STX11: variants seen among roughly 807,000 people sequenced by gnomAD.
STX11 encodes the protein syntaxin-11.
STX11 carries 21 observed loss-of-function variants against 19.9 expected under a neutral mutation model. The observed-to-expected ratio is 1.06, with a 90% CI of 0.75 to 1.52. STX11 has a LOEUF of 1.52. Ranked by LOEUF, STX11 falls within the 40% of genes most tolerant of loss-of-function variation. STX11 has a pLI of 0.00. For synonymous variants in STX11, 193 were observed against 174.4 expected (o/e 1.11, Z -0.84); for missense variants, 438 against 405.9 (o/e 1.08, Z -0.68).
intron 1 of STX11, among the ~76,000 whole-genome samples, chr6:144,166,879 C>G (rs555116167): frequency 6.7e-6 from 1 of 149,354 alleles, no homozygotes; most frequent in Non-Finnish European, 1.5e-5. Context: ...CCTCTCCTTC[C>G]CTTCCCTTCC....
At chr6:144,156,772 C>T (rs920306371) in intron 1 of STX11, among the ~76,000 whole-genome samples, 1 of 152,214 alleles carries the variant, frequency 6.6e-6, no homozygotes, top group African/African-American at 2.4e-5. Flanking sequence ...CCACCTCCTC[C>T]TCCCCTCTTC....
chr6:144,142,366 T>C, the STX11 span, among the ~76,000 whole-genome samples: 2 of 152,150 alleles, frequency 1.3e-5, no homozygotes, highest in African/African-American at 4.8e-5. Flanking sequence ...ATGTGAGTAA[T>C]GATGACTTGT....
rs1337297833 is a variant in STX11, at chr6:144,183,963, A to G, written c.-5-2660A>G. On this transcript the variant is annotated intron_variant, in intron 1 of 1. Transcript: ENST00000367568. The surrounding 1 kb of genome is among the most constrained non-coding windows in gnomAD (Gnocchi z 4.6). ...TGTTCTCATTGTTCACCTCCCACTT[A>G]TAAGTGAGAACATGCAGTGTTTGGT... Among the ~76,000 whole-genome samples the G allele has an allele frequency of 1.3e-5, 2 of 151,992 alleles. No individual in the cohort carries two copies. Among genetic ancestry groups the G allele is most frequent in the Non-Finnish European group, 2.9e-5 (2 of 68,010 alleles).
rs896616688 is a variant in STX11 at position 144,169,023 on chromosome 6, G to A, written c.-5-17600G>A. 6.6e-6 allele frequency among the ~76,000 whole-genome samples: 1 copy of A among 152,236 alleles called. No individual in the cohort carries two copies. The highest frequency in any genetic ancestry group is 1.5e-5 in the Non-Finnish European group (1 of 68,042). ...AGTGAACACAAGCTCCTGGTACCAA[G>A]TGCTTATGAAACTAATCAGAAAAGA... On this transcript the variant is annotated intron_variant, in intron 1 of 1. Transcript: ENST00000367568. This position sits in a 1 kb window ranked among gnomAD's most constrained non-coding sequence, Gnocchi z 5.2.
intron 1 of STX11, among the ~76,000 whole-genome samples, chr6:144,158,321 C>T (rs556942424): frequency 2.0e-5 from 3 of 152,190 alleles, no homozygotes; most frequent in Non-Finnish European, 4.4e-5. Flanking sequence ...GACAGCACAG[C>T]CCAAATTCCT....
At position 144,169,687 on chromosome 6, in the gene STX11, T is replaced by TCCTTCCTC. The variant is rs1203893511; in HGVS notation, c.-5-16935_-5-16934insCTTCCTCC. ...TCCCTTCCTTCCTTCCTTCCTTCCTTCTTTCTTTCCTTCCTACCTATGAGG... is the reference window on the plus strand; with the variant it reads ...TCCCTTCCTTCCTTCCTTCCTTCCTTCCTTCCTCCTTTCTTTCCTTCCTACCTATGAGG... On this transcript the variant is annotated intron_variant, in intron 1 of 1. Coordinates refer to ENST00000367568, the MANE Select transcript of STX11 (RefSeq NM_003764.4). The surrounding 1 kb of genome is among the most constrained non-coding windows in gnomAD (Gnocchi z 5.2). 3.4e-5 allele frequency among the ~76,000 whole-genome samples: 5 copies of TCCTTCCTC among 147,862 alleles called. No homozygotes were observed. The highest frequency in any genetic ancestry group is 1.3e-4 in the Admixed American group (2 of 14,822).
chr6:144,166,715 G>A (rs1449920597), intron 1 of STX11, among the ~76,000 whole-genome samples: 1 of 151,666 alleles, frequency 6.6e-6, no homozygotes, highest in Non-Finnish European at 1.5e-5. Flanking sequence ...TAGTAGACCC[G>A]GGATTTCACC....
In STX11 at chr6:144,163,184, G is replaced by A. The variant is rs190485492; in HGVS notation, c.-6+12481G>A. ...AGATAGTCGATAATGGGGAAGTTGC[G>A]TAAGTCAGTTTTGGTTTCAACTGTG... On this transcript the variant is annotated intron_variant, in intron 1 of 1. Transcript: ENST00000367568. Among the ~76,000 whole-genome samples, 210 of 152,338 alleles carry A rather than the reference G, an allele frequency of 1.4e-3. 1 individual carries two copies. The highest frequency in any genetic ancestry group is 4.8e-3 in the African/African-American group (200 of 41,576).
chr6:144,147,260 C>T (rs1305657311), upstream of STX11, among the ~76,000 whole-genome samples: 1 of 152,098 alleles, frequency 6.6e-6, no homozygotes, highest in African/African-American at 2.4e-5. This position sits in a 1 kb window ranked among gnomAD's most constrained non-coding sequence, Gnocchi z 4.2. Flanking sequence ...TCACTCCAAA[C>T]AGGCTTTGGT....
In STX11 at chr6:144,174,224, C is replaced by T. The variant is rs563364037; in HGVS notation, c.-5-12399C>T. Among the ~76,000 whole-genome samples, 37 of 152,276 alleles carry T rather than the reference C, an allele frequency of 2.4e-4. No individual in the cohort carries two copies. Among genetic ancestry groups the T allele is most frequent in the Non-Finnish European group, 3.5e-4 (24 of 68,030 alleles). ...CCCTTTTGCACAAATGCTTTTCAAA[C>T]CTCTGCTTGCATCATATTTGCTAAT... On this transcript the variant is annotated intron_variant, in intron 1 of 1. Transcript: ENST00000367568. The surrounding 1 kb of genome is among the most constrained non-coding windows in gnomAD (Gnocchi z 5.3).
In STX11 at chr6:144,162,257, T is replaced by C. The variant is rs1478716881; in HGVS notation, c.-6+11554T>C. ...CCTTTTATTATGAGTTCTGAGTCTT[T>C]AGAAATTTATTTGATGGTGTAACTT... On this transcript the variant is annotated intron_variant, in intron 1 of 1. Transcript: ENST00000367568. The surrounding 1 kb of genome is among the most constrained non-coding windows in gnomAD (Gnocchi z 4.6). Among the ~76,000 whole-genome samples, 3 of 152,364 alleles carry C rather than the reference T, an allele frequency of 2.0e-5. No individual in the cohort carries two copies. The highest frequency in any genetic ancestry group is 1.5e-5 in the Non-Finnish European group (1 of 68,034).
Position 144,154,320 on chromosome 6 carries a change from C to T in STX11, c.-6+3617C>T, listed in dbSNP as rs952751863. ...ATGCATAAGATGGGCCTTCAGTGTCCCTACTGTGCTACATGACATCCCACC... is the reference window on the plus strand; with the variant it reads ...ATGCATAAGATGGGCCTTCAGTGTCTCTACTGTGCTACATGACATCCCACC... On this transcript the variant is annotated intron_variant, in intron 1 of 1. Transcript: ENST00000367568. The surrounding 1 kb of genome is among the most constrained non-coding windows in gnomAD (Gnocchi z 4.7). 6.6e-6 allele frequency among the ~76,000 whole-genome samples: 1 copy of T among 152,130 alleles called. No individual in the cohort carries two copies. Among genetic ancestry groups the T allele is most frequent in the Non-Finnish European group, 1.5e-5 (1 of 68,006 alleles).
In STX11 at chr6:144,172,533, G is replaced by A. The variant is rs57451512; in HGVS notation, c.-5-14090G>A. On this transcript the variant is annotated intron_variant, in intron 1 of 1. Transcript: ENST00000367568. This position sits in a 1 kb window ranked among gnomAD's most constrained non-coding sequence, Gnocchi z 4.2. ...TAGAGAAACTGATTCAAAGGGTAGA[G>A]AGACCGACACCACTTCTTGATGGGA... Among the ~76,000 whole-genome samples the A allele has an allele frequency of 9.7e-3, 1,481 of 152,298 alleles. 20 individuals carry two copies. The highest frequency in any genetic ancestry group is 0.033 in the African/African-American group (1,389 of 41,544).
chr6:144,189,515 T>A lies in STX11; in HGVS notation c.*2024T>A, dbSNP rs1802161957. Among the ~76,000 whole-genome samples, 1 of 152,218 alleles carries A rather than the reference T, an allele frequency of 6.6e-6. No homozygotes were observed. The highest frequency in any genetic ancestry group is 1.5e-5 in the Non-Finnish European group (1 of 68,024). ...AAACTTCTTAATGCCCTTACCCACA[T>A]TTACCATGTTTCCTGGCCTTCCTCT... is the stretch of plus-strand genomic sequence containing the variant. On this transcript the variant is annotated 3_prime_UTR_variant, in exon 2 of 2. Coordinates refer to ENST00000367568, the MANE Select transcript of STX11 (RefSeq NM_003764.4).
intron 1 of STX11, among the ~76,000 whole-genome samples, chr6:144,181,060 C>T (rs1319949840): frequency 6.6e-6 from 1 of 152,166 alleles, no homozygotes; most frequent in Non-Finnish European, 1.5e-5. Context: ...ATTCTTGATT[C>T]CTTTTCCTTT....
intron 1 of STX11, among the ~76,000 whole-genome samples, chr6:144,164,759 T>A (rs1412252581): frequency 6.6e-6 from 1 of 152,238 alleles, no homozygotes; most frequent in African/African-American, 2.4e-5. Context: ...AGTGGCACAA[T>A]CTCGGCTCAC....
intron 1 of STX11, among the ~76,000 whole-genome samples, chr6:144,164,221 G>A (rs566634288): frequency 1.3e-5 from 2 of 152,076 alleles, no homozygotes; most frequent in African/African-American, 2.4e-5. Context: ...TTAAAATCTC[G>A]TTAAAAGCCT....
intron 1 of STX11, among the ~76,000 whole-genome samples, chr6:144,164,686 T>C (rs1801432924): frequency 6.6e-6 from 1 of 152,146 alleles, no homozygotes; most frequent in African/African-American, 2.4e-5. Flanking sequence ...TATATAGCTT[T>C]ATTTTATTTT....
At position 144,176,782 on chromosome 6, in the gene STX11, T is replaced by C. The variant is rs1477959405; in HGVS notation, c.-5-9841T>C. 6.6e-6 allele frequency among the ~76,000 whole-genome samples: 1 copy of C among 152,228 alleles called. No homozygotes were observed. The highest frequency in any genetic ancestry group is 6.5e-5 in the Admixed American group (1 of 15,276). On this transcript the variant is annotated intron_variant, in intron 1 of 1. Coordinates refer to ENST00000367568, the MANE Select transcript of STX11 (RefSeq NM_003764.4). The surrounding 1 kb of genome is among the most constrained non-coding windows in gnomAD (Gnocchi z 4.1). ...TAAATTGTGTCTAATGCCCTGTTTT[T>C]TAAAAAGCAAGGAAGTGTGTCCAGG...
Sources: gnomAD v4.1 joint callset for allele counts (sites outside exome capture counted in the v4.1 genomes callset) on GRCh38, gnomAD v4.1.1 for gene constraint, Gnocchi (gnomAD v3.1) non-coding constraint, MANE v1.5 for transcripts, NCBI Gene and HGNC (gene_info 2026-07-23, HGNC 2026-07-21) for gene names.